The following CFAP61 variants were observed in gnomAD, a reference collection of about 807,000 sequenced individuals.
CFAP61 encodes the protein cilia and flagella associated protein 61, also known as cilia- and flagella-associated protein 61.
A neutral mutation model predicts 135.6 loss-of-function variants in CFAP61; 107 were observed. The ratio of observed to expected loss-of-function variants is 0.79; its 90% confidence interval spans 0.67 to 0.93. CFAP61 has a LOEUF of 0.93. Ranked by LOEUF, CFAP61 falls within the 40% of genes least tolerant of loss-of-function variation. The probability of loss-of-function intolerance (pLI) is 0.00; values close to 1 mark genes in which losing one functional copy is unlikely to be tolerated. For synonymous variants in CFAP61, 575 were observed against 578.5 expected, an observed-to-expected ratio of 0.99 and a Z score of 0.09; for missense variants, 1,507 against 1,556.2, an observed-to-expected ratio of 0.97 and a Z score of 0.53.
intron 26 of CFAP61, among the ~76,000 whole-genome samples, chr20:20,355,757 C>T (rs1414631781): frequency 3.9e-5 from 4 of 102,490 alleles, no homozygotes; most frequent in African/African-American, 8.5e-5. Context: ...ACACTATGAG[C>T]AGAGATGGTC....
chr20:20,187,156 C>G (rs1276404124), intron 13 of CFAP61, among the ~76,000 whole-genome samples: 4 of 152,188 alleles, frequency 2.6e-5, no homozygotes, highest in Non-Finnish European at 5.9e-5. Context: ...ACCAGAGACT[C>G]CATGTGTCAT....
At chr20:20,219,746 A>T (rs1275880627) in intron 17 of CFAP61, among the ~76,000 whole-genome samples, 3 of 152,216 alleles carry the variant, frequency 2.0e-5, no homozygotes, top group African/African-American at 7.2e-5. Context: ...TTCTTAACTC[A>T]TTATTAAGAC....
chr20:20,290,420 C>T (rs751091718), intron 24 of CFAP61, 29 bp downstream of exon 24: 1 of 1,406,000 alleles, frequency 7.1e-7, no homozygotes, highest in Admixed American at 1.7e-5. Flanking sequence ...TTTCATTTTA[C>T]TTTCAAATAC....
chr20:20,343,176 AGCTC>A (rs1180644732), intron 26 of CFAP61, among the ~76,000 whole-genome samples: 2 of 152,172 alleles, frequency 1.3e-5, no homozygotes, highest in East Asian at 3.9e-4. Context: ...ATTTTAAATC[AGCTC>A]CATGGTAACA....
intron 25 of CFAP61, 78 bp downstream of exon 25, chr20:20,298,464 G>C (rs952780899): frequency 2.3e-5 from 29 of 1,284,416 alleles, no homozygotes; most frequent in Non-Finnish European, 3.1e-5. Context: ...CATGTGTTGT[G>C]ATGCACCCGA....
At chr20:20,255,246 A>T (rs1401824901) in intron 20 of CFAP61, among the ~76,000 whole-genome samples, 1 of 152,056 alleles carries the variant, frequency 6.6e-6, no homozygotes, top group East Asian at 1.9e-4. Context: ...TCACAGGGCC[A>T]CTCTCCATGA....
At chr20:20,187,778 T>C (rs986669553) in intron 13 of CFAP61, 152 bp from the exon 14 acceptor site, 7 of 572,888 alleles carry the variant, frequency 1.2e-5, no homozygotes, top group African/African-American at 5.7e-5. Context: ...TGAAATGAGT[T>C]ACTTTTATAA....
At chr20:20,052,943 T>G (rs1382760699) in intron 1 of CFAP61, among the ~76,000 whole-genome samples, 1 of 152,162 alleles carries the variant, frequency 6.6e-6, no homozygotes, top group East Asian at 1.9e-4. Context: ...CCCAAATAAT[T>G]AACTCTAAGG....
intron 8 of CFAP61, among the ~76,000 whole-genome samples, chr20:20,106,000 CTATATATATATATA>C (rs10523115): frequency 0.024 from 2,451 of 102,646 alleles, 148 homozygotes; most frequent in Non-Finnish European, 0.03. Flanking sequence ...CTACTCTTGC[CTATATATATATATA>C]TATATATATA....
intron 25 of CFAP61, among the ~76,000 whole-genome samples, chr20:20,310,220 C>T (rs910916967): frequency 1.3e-5 from 2 of 152,130 alleles, no homozygotes; most frequent in Non-Finnish European, 2.9e-5. Flanking sequence ...TCTCAAACTC[C>T]TGATCTCAGA....
intron 13 of CFAP61, among the ~76,000 whole-genome samples, chr20:20,174,096 T>A (rs1312882300): frequency 6.6e-6 from 1 of 152,214 alleles, no homozygotes; most frequent in Non-Finnish European, 1.5e-5. Flanking sequence ...TTTTCTTGAA[T>A]CACTTGCATT....
At chr20:20,065,128 C>T (rs6046590) in intron 2 of CFAP61, among the ~76,000 whole-genome samples, 70,534 of 151,918 alleles carry the variant, frequency 0.46, 17,562 homozygotes, top group Non-Finnish European at 0.55. Context: ...AAAATAATAA[C>T]CAACCTCATG....
intron 20 of CFAP61, chr20:20,258,406 C>A (rs10485597): frequency 0.087 from 13,234 of 152,100 alleles, 661 homozygotes; most frequent in Middle Eastern, 0.16. Context: ...AGTGTACTTG[C>A]AATATGACCT....
intron 3 of CFAP61, among the ~76,000 whole-genome samples, chr20:20,072,315 C>G (rs2045777762): frequency 6.6e-6 from 1 of 151,772 alleles, no homozygotes; most frequent in African/African-American, 2.4e-5. Flanking sequence ...CAGGGTTTCA[C>G]TATGTTAGCC....
chr20:20,101,850 A>C lies in CFAP61; in HGVS notation c.859+3036A>C, dbSNP rs143988539. 5.3e-5 allele frequency among the ~76,000 whole-genome samples: 8 copies of C among 151,588 alleles called. No homozygotes were observed. The East Asian group carries it at 1.4e-3, about 26-fold the overall frequency. The stretch of plus-strand genomic sequence containing the variant: ...ATCATGTTGGCCAGGCTGGTCTTGA[A>C]CTCCGGGCCTCAGGTGATCCGCCCA... On this transcript the variant is annotated intron_variant, in intron 8 of 26. Coordinates refer to ENST00000245957, the MANE Select transcript of CFAP61 (RefSeq NM_015585.4).
At chr20:20,103,444 CTAG>C (rs2048159858) in intron 8 of CFAP61, among the ~76,000 whole-genome samples, 1 of 151,846 alleles carries the variant, frequency 6.6e-6, no homozygotes, top group Non-Finnish European at 1.5e-5. Flanking sequence ...TAAGGAAAAA[CTAG>C]TAGAAGTGTA....
At chr20:20,132,150 A>G (rs1400713085) in intron 8 of CFAP61, among the ~76,000 whole-genome samples, 1 of 152,116 alleles carries the variant, frequency 6.6e-6, no homozygotes, top group African/African-American at 2.4e-5. Context: ...TATTTTAGAT[A>G]CCTTATAAAA....
At chr20:20,206,883 T>C (rs1237127726) in intron 17 of CFAP61, among the ~76,000 whole-genome samples, 1 of 152,146 alleles carries the variant, frequency 6.6e-6, no homozygotes, top group Non-Finnish European at 1.5e-5. Context: ...GACTGCATTA[T>C]TTTGCATTCT....
In CFAP61 at chr20:20,253,139, G is replaced by A. The variant is rs934016514; in HGVS notation, c.2328+1376G>A. On this transcript the variant is annotated intron_variant, in intron 20 of 26. Coordinates refer to ENST00000245957, the MANE Select transcript of CFAP61 (RefSeq NM_015585.4). ...GGCCATGGGATGGGGAGCCTGAGAT[G>A]CTACATTTTCTTTTCTTTTCTTTTC... Among the ~76,000 whole-genome samples, 22 of 97,934 alleles carry A rather than the reference G, an allele frequency of 2.2e-4. No homozygotes were observed. In the South Asian group the frequency reaches 7.6e-3, roughly 34 times the overall value. The allele number at this position is 97,934 out of a possible 152,430, so 64.2% of individuals were successfully genotyped here.
Sources: gnomAD v4.1 joint callset for allele counts (sites outside exome capture counted in the v4.1 genomes callset) on GRCh38, gnomAD v4.1.1 for gene constraint, MANE v1.5 for transcripts, NCBI Gene and HGNC (gene_info 2026-07-23, HGNC 2026-07-21) for gene names.